CTNND2: variants seen among roughly 807,000 people sequenced by gnomAD.
The protein encoded by CTNND2 is catenin delta-2.
In CTNND2, 22 loss-of-function variants were observed where a neutral mutation model predicts 144.4. That is an observed-to-expected ratio of 0.15 (90% CI 0.11 to 0.22). The LOEUF is 0.22. CTNND2 is among the 10% of genes least tolerant of loss of function. The probability of loss-of-function intolerance (pLI) is 1.00; values close to 1 mark genes in which losing one functional copy is unlikely to be tolerated. For synonymous variants in CTNND2, 751 were observed against 695.6 expected, an observed-to-expected ratio of 1.08 and a Z score of -1.25; for missense variants, 1,353 against 1,618.8, an observed-to-expected ratio of 0.84 and a Z score of 2.82.
intron 17 of CTNND2, among the ~76,000 whole-genome samples, chr5:11,018,973 C>T (rs1322603881): frequency 6.6e-6 from 1 of 152,092 alleles, no homozygotes; most frequent in Non-Finnish European, 1.5e-5. Context: ...TACCAAAGTG[C>T]TGGGATTACA....
intron 1 of CTNND2, among the ~76,000 whole-genome samples, chr5:11,740,788 C>T (rs943861235): frequency 5.9e-5 from 9 of 151,946 alleles, no homozygotes; most frequent in Admixed American, 2.6e-4. Context: ...TGCAATCTAC[C>T]CATCTGACAA....
At chr5:11,179,994 G>A (rs555927476) in intron 11 of CTNND2, among the ~76,000 whole-genome samples, 10 of 152,262 alleles carry the variant, frequency 6.6e-5, no homozygotes, top group African/African-American at 2.4e-4. Flanking sequence ...TTGAGGGATC[G>A]CTGAGGCTAG....
chr5:11,326,879 T>C (rs1399626840), intron 9 of CTNND2, among the ~76,000 whole-genome samples: 1 of 152,186 alleles, frequency 6.6e-6, no homozygotes, highest in Non-Finnish European at 1.5e-5. Context: ...ACAGCTGGGA[T>C]TCTGCATTTC....
intron 1 of CTNND2, among the ~76,000 whole-genome samples, chr5:11,822,309 C>T (rs61761578): frequency 2.1e-4 from 32 of 152,182 alleles, no homozygotes; most frequent in African/African-American, 6.5e-4. Flanking sequence ...TAAATTATGG[C>T]ACAATAGTAA....
chr5:11,772,816 A>C (rs1790025882), intron 1 of CTNND2, among the ~76,000 whole-genome samples: 1 of 152,232 alleles, frequency 6.6e-6, no homozygotes, highest in Non-Finnish European at 1.5e-5. Flanking sequence ...AATATGATTC[A>C]AGGTGGCAAG....
intron 12 of CTNND2, among the ~76,000 whole-genome samples, chr5:11,157,117 C>T (rs1297966414): frequency 1.3e-5 from 2 of 152,146 alleles, no homozygotes; most frequent in African/African-American, 2.4e-5. Context: ...CATTGGGCTA[C>T]GATGCATGTG....
chr5:11,016,723 C>T (rs992831040), intron 18 of CTNND2, among the ~76,000 whole-genome samples: 27 of 152,180 alleles, frequency 1.8e-4, no homozygotes, highest in Admixed American at 7.2e-4. Context: ...TGCATGGAAA[C>T]CAATGCCTAT....
Position 11,427,438 on chromosome 5 carries a change from C to T in CTNND2, c.288-15369G>A, listed in dbSNP as rs143937613. 2.6e-3 allele frequency among the ~76,000 whole-genome samples: 402 copies of T among 151,832 alleles called. 3 individuals are homozygous for T. The highest frequency in any genetic ancestry group is 8.9e-3 in the African/African-American group (369 of 41,406). On this transcript the variant is annotated intron_variant, in intron 3 of 21. Transcript: ENST00000304623. ...GACTACAGGCGTGCACTGCCATGCCCGGCTAATTTTTTTGTATTTTTATTA... is the reference window on the plus strand; with the variant it reads ...GACTACAGGCGTGCACTGCCATGCCTGGCTAATTTTTTTGTATTTTTATTA...
chr5:11,598,947 C>T (rs886763036), intron 2 of CTNND2, among the ~76,000 whole-genome samples: 1 of 152,140 alleles, frequency 6.6e-6, no homozygotes, highest in Non-Finnish European at 1.5e-5. Context: ...AGGAAACTCA[C>T]AATTACGTCA....
At position 11,344,624 on chromosome 5, in the gene CTNND2, G is replaced by A. The variant is rs563893406; in HGVS notation, c.1628+1748C>T. Among the ~76,000 whole-genome samples, 9 of 151,978 alleles carry A rather than the reference G, an allele frequency of 5.9e-5. No individual in the cohort carries two copies. In the South Asian group the frequency reaches 1.2e-3, roughly 21 times the overall value. Reference sequence around the variant, plus strand: ...TCAGGATGAACTTATAATTCATATAGCACTAATCTGCATACAAATTTGACG... The same window carrying A: ...TCAGGATGAACTTATAATTCATATAACACTAATCTGCATACAAATTTGACG... On this transcript the variant is annotated intron_variant, in intron 9 of 21. Transcript: ENST00000304623.
chr5:11,400,520 T>C (rs1428309640), intron 5 of CTNND2, among the ~76,000 whole-genome samples: 1 of 152,208 alleles, frequency 6.6e-6, no homozygotes, highest in Non-Finnish European at 1.5e-5. Flanking sequence ...ATCACCCCTG[T>C]GAGCCAGGAA....
chr5:11,129,233 TTATATA>T (rs1561353529), intron 12 of CTNND2, among the ~76,000 whole-genome samples: 2 of 42,874 alleles, frequency 4.7e-5, no homozygotes, highest in Non-Finnish European at 9.3e-5. Flanking sequence ...TAAATATATA[TTATATA>T]TTATATATTA....
intron 9 of CTNND2, among the ~76,000 whole-genome samples, chr5:11,335,583 T>A (rs1419161221): frequency 6.6e-6 from 1 of 152,136 alleles, no homozygotes; most frequent in Non-Finnish European, 1.5e-5. Context: ...TTTCCCATAG[T>A]AGTACACATT....
chr5:11,695,470 G>A lies in CTNND2; in HGVS notation c.174+36666C>T, dbSNP rs140371599. Reference sequence around the variant, plus strand: ...TACAGAATCATTAAGAAGTATAAACGGAGTGCCCTACCACTTCTCTTTTCC... The same window carrying A: ...TACAGAATCATTAAGAAGTATAAACAGAGTGCCCTACCACTTCTCTTTTCC... On this transcript the variant is annotated intron_variant, in intron 2 of 21. Transcript: ENST00000304623. Among the ~76,000 whole-genome samples the A allele has an allele frequency of 2.5e-3, 380 of 152,250 alleles. 2 individuals carry two copies. The Middle Eastern group carries it at 0.031, about 12-fold the overall frequency.
chr5:11,571,650 C>T (rs1342256801), intron 2 of CTNND2, among the ~76,000 whole-genome samples: 2 of 152,092 alleles, frequency 1.3e-5, no homozygotes, highest in African/African-American at 4.8e-5. Context: ...TACCACTATA[C>T]TTCATGCCCC....
intron 9 of CTNND2, among the ~76,000 whole-genome samples, chr5:11,265,698 ATTTTTTTTTT>A (rs5865929): frequency 3.7e-4 from 29 of 77,416 alleles, no homozygotes; most frequent in South Asian, 1.3e-3. Flanking sequence ...TGTATTCTCT[ATTTTTTTTTT>A]TTTTTTTTTT....
chr5:11,442,779 TTATATA>T (rs1282495575), intron 3 of CTNND2, among the ~76,000 whole-genome samples: 1 of 147,632 alleles, frequency 6.8e-6, no homozygotes, highest in Non-Finnish European at 1.5e-5. Context: ...ATTGCAATCA[TTATATA>T]TATAATTATA....
At chr5:11,203,482 A>G (rs941385717) in intron 10 of CTNND2, among the ~76,000 whole-genome samples, 1 of 152,016 alleles carries the variant, frequency 6.6e-6, no homozygotes, top group Non-Finnish European at 1.5e-5. Context: ...GCGCTCTGTC[A>G]CCCAGGCTGG....
chr5:11,229,079 T>C (rs1222540697), intron 10 of CTNND2, among the ~76,000 whole-genome samples: 3 of 152,200 alleles, frequency 2.0e-5, no homozygotes, highest in African/African-American at 7.2e-5. Context: ...CTTTTTGATA[T>C]AACAAAAAGT....
Sources: gnomAD v4.1 joint callset for allele counts (sites outside exome capture counted in the v4.1 genomes callset) on GRCh38, gnomAD v4.1.1 for gene constraint, MANE v1.5 for transcripts, NCBI Gene and HGNC (gene_info 2026-07-23, HGNC 2026-07-21) for gene names.